Variants in GPBP1L1 observed in about 807,000 individuals in gnomAD.
The protein encoded by GPBP1L1 is GC-rich promoter binding protein 1 like 1.
GPBP1L1 carries 23 observed loss-of-function variants against 52.5 expected under a neutral mutation model. That is an observed-to-expected ratio of 0.44 (90% CI 0.32 to 0.62). The LOEUF is 0.62. Ranked by LOEUF, GPBP1L1 falls within the 20% of genes least tolerant of loss-of-function variation. The probability of loss-of-function intolerance (pLI) is 0.06; values close to 1 mark genes in which losing one functional copy is unlikely to be tolerated. For synonymous variants in GPBP1L1, 243 were observed against 203.1 expected (o/e 1.20, Z -1.67); for missense variants, 596 against 579.3 (o/e 1.03, Z -0.30).
chr1:45,664,772 G>A (rs1241974644), intron 2 of GPBP1L1, among the ~76,000 whole-genome samples: 2 of 151,806 alleles, frequency 1.3e-5, no homozygotes, highest in Non-Finnish European at 1.5e-5. Context: ...GCCTCCTCCC[G>A]GGTTCAAGCA....
At chr1:45,648,646 T>C (rs1230923561) in intron 6 of GPBP1L1, among the ~76,000 whole-genome samples, 1 of 152,208 alleles carries the variant, frequency 6.6e-6, no homozygotes, top group Non-Finnish European at 1.5e-5. Flanking sequence ...TGTGGGGAAA[T>C]ATCATTTTGC....
intron 7 of GPBP1L1, among the ~76,000 whole-genome samples, chr1:45,641,042 A>C (rs1207721506): frequency 2.0e-5 from 3 of 152,042 alleles, no homozygotes; most frequent in African/African-American, 7.2e-5. Flanking sequence ...ACAAAAAAAA[A>C]CACCTAAAAG....
chr1:45,642,213 T>G (rs1353970103), intron 7 of GPBP1L1, among the ~76,000 whole-genome samples: 1 of 152,136 alleles, frequency 6.6e-6, no homozygotes, highest in Non-Finnish European at 1.5e-5. Context: ...TTGTCTGTAT[T>G]TTGACTCTAC....
intron 2 of GPBP1L1, among the ~76,000 whole-genome samples, chr1:45,684,077 G>A (rs139567975): frequency 6.6e-4 from 101 of 151,928 alleles, no homozygotes; most frequent in African/African-American, 2.2e-3. Flanking sequence ...GGCCAACATG[G>A]TGAAACCCAT....
intron 8 of GPBP1L1, among the ~76,000 whole-genome samples, chr1:45,637,069 G>A (rs1030931754): frequency 6.6e-6 from 1 of 152,154 alleles, no homozygotes; most frequent in African/African-American, 2.4e-5. Flanking sequence ...CCTTTATCAT[G>A]TATTTGAATC....
rs775858508 is a variant in GPBP1L1, at chr1:45,659,010, A to G, written c.60+18T>C. On this transcript the variant is annotated intron_variant, in intron 4 of 12. Coordinates refer to ENST00000355105, the MANE Select transcript of GPBP1L1 (RefSeq NM_021639.5). ...CCTCTCATATTTGAGAAGTTACTAC[A>G]GGAATGGAGAACAGTACCTTAGCTG... 6.6e-7 allele frequency: 1 copy of G among 1,522,336 alleles called. No homozygotes were observed. The highest frequency in any genetic ancestry group is 2.3e-5 in the East Asian group (1 of 44,416). 94.3% of individuals were successfully genotyped at this position (1,522,336 alleles called of 1,614,324 possible).
intron 6 of GPBP1L1, among the ~76,000 whole-genome samples, chr1:45,644,098 C>A (rs1042665226): frequency 6.6e-6 from 1 of 152,166 alleles, no homozygotes; most frequent in Non-Finnish European, 1.5e-5. Context: ...ATTTTCCAAG[C>A]AATCAAGGTG....
intron 4 of GPBP1L1, 142 bp from the exon 5 acceptor site, chr1:45,655,461 G>A (rs1433075471): frequency 1.2e-6 from 1 of 814,598 alleles, no homozygotes; most frequent in Non-Finnish European, 1.9e-6. Flanking sequence ...GGACCCTAAG[G>A]GTACCCACAG....
chr1:45,659,765 C>T (rs1270054288), intron 3 of GPBP1L1, among the ~76,000 whole-genome samples: 1 of 152,016 alleles, frequency 6.6e-6, no homozygotes, highest in Non-Finnish European at 1.5e-5. Flanking sequence ...CATGGCAAAA[C>T]CTCATCTGTA....
At chr1:45,630,425 T>C in intron 11 of GPBP1L1, 57 bp downstream of exon 11, 1 of 1,580,314 alleles carries the variant, frequency 6.3e-7, no homozygotes, top group South Asian at 1.1e-5. Flanking sequence ...TTCTCCAGTA[T>C]GTTCAAGGTC....
chr1:45,629,459 C>CCCCCCCCCCCCT, intron 12 of GPBP1L1, 117 bp downstream of exon 12: 1 of 77,708 alleles, frequency 1.3e-5, no homozygotes, highest in South Asian at 3.8e-4. Flanking sequence ...GGTAATCCCC[C>CCCCCCCCCCCCT]CCCCCCCCAC....
chr1:45,657,473 C>T (rs1326368139), intron 4 of GPBP1L1, among the ~76,000 whole-genome samples: 1 of 152,116 alleles, frequency 6.6e-6, no homozygotes. Context: ...GAAGTCAAGG[C>T]TGCAGTAAGC....
At chr1:45,681,938 A>C (rs1169860176) in intron 2 of GPBP1L1, among the ~76,000 whole-genome samples, 3 of 152,188 alleles carry the variant, frequency 2.0e-5, no homozygotes, top group Non-Finnish European at 4.4e-5. Context: ...CTCCATCTCT[A>C]TGTTACCGAA....
intron 2 of GPBP1L1, among the ~76,000 whole-genome samples, chr1:45,670,115 C>T (rs1645057137): frequency 6.6e-6 from 1 of 152,194 alleles, no homozygotes; most frequent in Admixed American, 6.5e-5. Context: ...TCACCATCAG[C>T]AGCAGCATTT....
At chr1:45,643,599 C>T (rs566158471) in intron 6 of GPBP1L1, among the ~76,000 whole-genome samples, 9 of 146,682 alleles carry the variant, frequency 6.1e-5, no homozygotes, top group Non-Finnish European at 1.0e-4. Context: ...AATAACTAAT[C>T]GTATGACACT....
intron 12 of GPBP1L1, 122 bp downstream of exon 12, chr1:45,629,454 T>TTCCCCCCCC (rs758811981): frequency 2.6e-5 from 3 of 117,618 alleles, no homozygotes; most frequent in Admixed American, 1.1e-4. Flanking sequence ...ACTAAGGTAA[T>TTCCCCCCCC]CCCCCCCCCC....
intron 7 of GPBP1L1, 61 bp from the exon 8 acceptor site, chr1:45,640,464 T>C (rs776545177): frequency 4.7e-5 from 66 of 1,389,558 alleles, no homozygotes; most frequent in South Asian, 5.9e-5. Flanking sequence ...ACATGAAGCA[T>C]AGTTTATACA....
chr1:45,669,005 T>C (rs990861505), intron 2 of GPBP1L1, among the ~76,000 whole-genome samples: 10 of 152,094 alleles, frequency 6.6e-5, no homozygotes, highest in Non-Finnish European at 1.5e-4. Flanking sequence ...TTCAATACAT[T>C]CTCCATCTGT....
At chr1:45,632,384 C>T (rs532627801) in intron 10 of GPBP1L1, among the ~76,000 whole-genome samples, 6 of 151,988 alleles carry the variant, frequency 3.9e-5, no homozygotes, top group Admixed American at 3.9e-4. Flanking sequence ...GCCTGGGCAA[C>T]AGAGTGAAAC....
Sources: allele counts gnomAD v4.1 joint callset (sites outside exome capture counted in the v4.1 genomes callset), GRCh38; gene constraint gnomAD v4.1.1; transcripts MANE v1.5; gene names NCBI Gene and HGNC (gene_info 2026-07-23, HGNC 2026-07-21).